B3GALNT2: variants seen among roughly 807,000 people sequenced by gnomAD.
B3GALNT2 encodes the protein UDP-GalNAc:beta-1,3-N-acetylgalactosaminyltransferase 2.
Under a neutral mutation model 61.1 loss-of-function variants are expected in B3GALNT2, and 53 were observed. The observed-to-expected ratio is 0.87, with a 90% CI of 0.70 to 1.09. The LOEUF is 1.09. Ranked by LOEUF, B3GALNT2 falls within the 50% of genes least tolerant of loss-of-function variation. The pLI is 0.00. For missense variants in B3GALNT2, 544 were observed against 623.0 expected (o/e 0.87, Z 1.35); for synonymous variants, 223 against 237.4 (o/e 0.94, Z 0.56).
chr1:235,442,008 A>ATGT, the B3GALNT2 span: 1 of 596,202 alleles, frequency 1.7e-6, no homozygotes, highest in South Asian at 1.9e-5. Flanking sequence ...TTAAATGAAA[A>ATGT]TTTTTTTTTT....
At chr1:235,465,771 T>G (rs1683665484) in intron 6 of B3GALNT2, 57 bp from the exon 7 acceptor site, 1 of 1,587,194 alleles carries the variant, frequency 6.3e-7, no homozygotes, top group Non-Finnish European at 8.6e-7. Context: ...CTGATCATAT[T>G]TTAAAATCGA....
At chr1:235,463,586 T>TTTTTTTTTTTTTTTTTTTG in intron 7 of B3GALNT2, 1 of 147,756 alleles carries the variant, frequency 6.8e-6, no homozygotes. Flanking sequence ...TTTTTTTTTT[T>TTTTTTTTTTTTTTTTTTTG]TTGAGACGGA....
rs1682619647 is a variant in B3GALNT2 at position 235,448,437 on chromosome 1, C to G, written c.*1769G>C. ...ACCTTCTGTTGTCCTATGAAAGTCC[C>G]AAAGTAAGTTGCCCAGCAAAATACA... is the stretch of plus-strand genomic sequence containing the variant. On this transcript the variant is annotated 3_prime_UTR_variant, in exon 12 of 12. Transcript: ENST00000366600. 1.2e-6 allele frequency: 2 copies of G among 1,613,784 alleles called. No individual in the cohort carries two copies. The highest frequency in any genetic ancestry group is 1.3e-5 in the African/African-American group (1 of 74,870).
chr1:235,493,139 C>A (rs1373341258), intron 2 of B3GALNT2, among the ~76,000 whole-genome samples: 1 of 151,966 alleles, frequency 6.6e-6, no homozygotes, highest in Non-Finnish European at 1.5e-5. Flanking sequence ...ATAATGGCAG[C>A]CTAGATCAGA....
chr1:235,469,780 TTGACCTCC>T (rs1244826859), intron 6 of B3GALNT2, among the ~76,000 whole-genome samples: 1 of 152,056 alleles, frequency 6.6e-6, no homozygotes, highest in Non-Finnish European at 1.5e-5. Flanking sequence ...CAGGCTGGTC[TTGACCTCC>T]TGACCTCCAG....
At chr1:235,478,804 C>T (rs560518199) in intron 5 of B3GALNT2, 3 of 152,320 alleles carry the variant, frequency 2.0e-5, no homozygotes, top group Admixed American at 2.0e-4. Flanking sequence ...ATAATCCTAG[C>T]AACTATAACA....
downstream of B3GALNT2, among the ~76,000 whole-genome samples, chr1:235,446,104 A>C (rs1012038739): frequency 6.6e-6 from 1 of 152,216 alleles, no homozygotes; most frequent in African/African-American, 2.4e-5. Context: ...ATGGCATGGA[A>C]TTGGCATGAA....
rs1685236608 is a variant in B3GALNT2 at position 235,494,763 on chromosome 1, C to G, written c.178G>C (p.Ala60Pro). The G allele has an allele frequency of 6.2e-7, 1 of 1,611,652 alleles. No homozygotes were observed. The highest frequency in any genetic ancestry group is 8.5e-7 in the Non-Finnish European group (1 of 1,177,860). Residue 60 changes from alanine to proline, a missense_variant, in exon 2 of 12, where the codon GCT becomes CCT. By Grantham distance (27) the Ala-to-Pro change is conservative. Coordinates refer to ENST00000366600, the MANE Select transcript of B3GALNT2 (RefSeq NM_152490.5). Reference sequence around the variant, plus strand: ...TTTCGAAGTTCATGGTTATTGCGAGCTGACAACACGCCAACTACCACATCA... The same window carrying G: ...TTTCGAAGTTCATGGTTATTGCGAGGTGACAACACGCCAACTACCACATCA... ...HYDVVVGVLSARNNHELRNVI... is the reference protein window; with the variant it reads ...HYDVVVGVLSPRNNHELRNVI...
chr1:235,491,506 G>A (rs1227072194), intron 2 of B3GALNT2, among the ~76,000 whole-genome samples: 1 of 152,144 alleles, frequency 6.6e-6, no homozygotes, highest in African/African-American at 2.4e-5. Flanking sequence ...ACTGCCTGTA[G>A]GAACCTCAAG....
chr1:235,441,040 T>A, the B3GALNT2 span: 1 of 152,342 alleles, frequency 6.6e-6, no homozygotes, highest in African/African-American at 2.4e-5. Flanking sequence ...CCTAGAGGAA[T>A]CACTTTCAAA....
chr1:235,504,127 C>T lies in B3GALNT2; in HGVS notation c.112+14G>A. 5 of 1,236,724 alleles carry T rather than the reference C, an allele frequency of 4.0e-6. No homozygotes were observed. In the South Asian group the frequency reaches 1.7e-4, roughly 42 times the overall value. 76.6% of individuals were successfully genotyped at this position (1,236,724 alleles called of 1,614,324 possible). A position where few individuals can be genotyped will look rare whatever the true frequency, so the allele number is the denominator to read the frequency against. On this transcript the variant is annotated intron_variant, in intron 1 of 11. Transcript: ENST00000366600. Reference sequence around the variant, plus strand: ...CCCCGGCGGCCGCCAACCCGCCCGGCCCCAGGACCTCACCTGCAGGGCCGG... The same window carrying T: ...CCCCGGCGGCCGCCAACCCGCCCGGTCCCAGGACCTCACCTGCAGGGCCGG...
downstream of B3GALNT2, among the ~76,000 whole-genome samples, chr1:235,446,426 C>G (rs1682303772): frequency 6.6e-6 from 1 of 152,102 alleles, no homozygotes; most frequent in Non-Finnish European, 1.5e-5. Flanking sequence ...ATCCGCCCGC[C>G]TCGGCCTCCC....
At chr1:235,490,254 A>G (rs1224924911) in intron 2 of B3GALNT2, among the ~76,000 whole-genome samples, 2 of 151,984 alleles carry the variant, frequency 1.3e-5, no homozygotes, top group Non-Finnish European at 2.9e-5. Flanking sequence ...TTTTTGAGAC[A>G]GAGTCTCGCT....
At chr1:235,495,832 A>C (rs1353338220) in intron 1 of B3GALNT2, among the ~76,000 whole-genome samples, 1 of 152,182 alleles carries the variant, frequency 6.6e-6, no homozygotes, top group Admixed American at 6.5e-5. Context: ...TATTAAATGC[A>C]ATGTTTTTAT....
chr1:235,448,424 C>A lies in B3GALNT2; in HGVS notation c.*1782G>T, dbSNP rs1188549283. ...GTTCCTGTGTCAGACCTTCTGTTGT[C>A]CTATGAAAGTCCCAAAGTAAGTTGC... On this transcript the variant is annotated 3_prime_UTR_variant, in exon 12 of 12. Coordinates refer to ENST00000366600, the MANE Select transcript of B3GALNT2 (RefSeq NM_152490.5). The A allele has an allele frequency of 2.5e-6, 4 of 1,614,018 alleles. No individual in the cohort carries two copies. The highest frequency in any genetic ancestry group is 3.4e-6 in the Non-Finnish European group (4 of 1,179,960).
intron 5 of B3GALNT2, chr1:235,479,364 G>A (rs1458578696): frequency 1.3e-5 from 2 of 152,226 alleles, no homozygotes; most frequent in Non-Finnish European, 2.9e-5. Context: ...CTGAGTTCAG[G>A]AATGTACTCG....
At chr1:235,476,647 C>G (rs1161420035) in intron 5 of B3GALNT2, among the ~76,000 whole-genome samples, 1 of 151,986 alleles carries the variant, frequency 6.6e-6, no homozygotes, top group Non-Finnish European at 1.5e-5. Context: ...GTCAGGAGTT[C>G]GAGACCAGCC....
chr1:235,497,082 T>A (rs1432370308), intron 1 of B3GALNT2, among the ~76,000 whole-genome samples: 1 of 152,190 alleles, frequency 6.6e-6, no homozygotes, highest in Non-Finnish European at 1.5e-5. Context: ...GGGTAACACA[T>A]CAATTTTTTT....
At chr1:235,443,089 C>A, downstream of B3GALNT2, 1 of 663,530 alleles carries the variant, frequency 1.5e-6, no homozygotes, top group Non-Finnish European at 2.6e-6. Flanking sequence ...TCCCCCATGC[C>A]CCCAAAAGTT....
Sources: allele counts gnomAD v4.1 joint callset (sites outside exome capture counted in the v4.1 genomes callset), GRCh38; gene constraint gnomAD v4.1.1; transcripts MANE v1.5; gene names NCBI Gene and HGNC (gene_info 2026-07-23, HGNC 2026-07-21).